The following LRRC49 variants were observed in gnomAD, a reference collection of about 807,000 sequenced individuals.
LRRC49 encodes the protein leucine rich repeat containing 49, also known as leucine-rich repeat-containing protein 49.
In LRRC49, 50 loss-of-function variants were observed where a neutral mutation model predicts 83.3. The ratio of observed to expected loss-of-function variants is 0.60; its 90% CI spans 0.48 to 0.76. The LOEUF (loss-of-function observed/expected upper bound fraction) is 0.76, where lower values mean the gene tolerates loss of function less well. Among genes scored for constraint, LRRC49 ranks in the 30% least tolerant of loss-of-function variants. The pLI is 0.00. For missense variants in LRRC49, 704 were observed against 809.1 expected (o/e 0.87, Z 1.58); for synonymous variants, 286 against 283.3 (o/e 1.01, Z -0.10).
intron 6 of LRRC49, among the ~76,000 whole-genome samples, chr15:70,913,865 A>G (rs1221400358): frequency 6.6e-6 from 1 of 152,176 alleles, no homozygotes; most frequent in Non-Finnish European, 1.5e-5. Context: ...CACCTGATAA[A>G]TGAATACCAT....
rs555590329 is a variant in LRRC49, at chr15:70,936,650, G to A, written c.712-111G>A. ...CTGTCCAGTAGAAATCAGTGATGTA[G>A]CAATGTTGCAGTAAATAGAAATGAT... On this transcript the variant is annotated intron_variant, in intron 7 of 15. Transcript: ENST00000260382. 3.5e-5 allele frequency: 24 copies of A among 683,186 alleles called. No homozygotes were observed. In the East Asian group the frequency reaches 6.2e-4, roughly 18 times the overall value. 42.3% of individuals were successfully genotyped at this position (683,186 alleles called of 1,614,324 possible).
At chr15:70,857,366 A>T (rs2032678939) in intron 1 of LRRC49, among the ~76,000 whole-genome samples, 2 of 152,060 alleles carry the variant, frequency 1.3e-5, no homozygotes, top group African/African-American at 4.8e-5. Context: ...CGTTGAAGAG[A>T]AGAAGAGTAG....
intron 7 of LRRC49, among the ~76,000 whole-genome samples, chr15:70,933,582 G>T (rs917745471): frequency 6.6e-6 from 1 of 152,122 alleles, no homozygotes; most frequent in African/African-American, 2.4e-5. Context: ...GCAGATTGTT[G>T]AGTGCTGGCT....
chr15:71,032,417 C>G (rs568495277), intron 14 of LRRC49, among the ~76,000 whole-genome samples: 2 of 151,994 alleles, frequency 1.3e-5, no homozygotes, highest in African/African-American at 2.4e-5. Context: ...GGAGCTGTTC[C>G]TATTCTGCCC....
intron 9 of LRRC49, among the ~76,000 whole-genome samples, chr15:70,968,808 C>T (rs1045803301): frequency 1.3e-5 from 2 of 152,052 alleles, no homozygotes; most frequent in African/African-American, 2.4e-5. Context: ...TCATATCCTT[C>T]CCCCACTTTC....
chr15:70,860,267 GCTCAGCCCAAGCC>G, intron 1 of LRRC49: 1 of 583,102 alleles, frequency 1.7e-6, no homozygotes, highest in South Asian at 2.0e-5. Flanking sequence ...CCCACCTGAG[GCTCAGCCCAAGCC>G]CTCAGCCCAC....
intron 13 of LRRC49, 45 bp downstream of exon 13, chr15:71,010,037 T>C: frequency 8.5e-7 from 1 of 1,172,986 alleles, no homozygotes; most frequent in Non-Finnish European, 1.2e-6. Flanking sequence ...ATATTCCTTC[T>C]TAGTGAAAAT....
At chr15:70,911,323 A>G (rs2034540954) in intron 5 of LRRC49, among the ~76,000 whole-genome samples, 1 of 152,190 alleles carries the variant, frequency 6.6e-6, no homozygotes, top group Non-Finnish European at 1.5e-5. Context: ...TAATGATGTG[A>G]CATTTAAACT....
intron 8 of LRRC49, among the ~76,000 whole-genome samples, chr15:70,940,984 C>A (rs2035794547): frequency 6.6e-6 from 1 of 152,114 alleles, no homozygotes; most frequent in African/African-American, 2.4e-5. Flanking sequence ...GTAAGGAGGA[C>A]CCATAAAAAC....
chr15:71,036,586 G>A (rs1445018119), intron 14 of LRRC49, among the ~76,000 whole-genome samples: 1 of 152,108 alleles, frequency 6.6e-6, no homozygotes, highest in Non-Finnish European at 1.5e-5. Flanking sequence ...GTGATACTAT[G>A]AGCACTATGT....
intron 2 of LRRC49, among the ~76,000 whole-genome samples, chr15:70,886,182 GT>G (rs1415529811): frequency 6.6e-6 from 1 of 152,130 alleles, no homozygotes; most frequent in East Asian, 1.9e-4. Flanking sequence ...GCCATGTTAG[GT>G]GGGGACTTAT....
chr15:70,915,675 T>TAA (rs777000097), intron 6 of LRRC49, among the ~76,000 whole-genome samples: 3 of 152,218 alleles, frequency 2.0e-5, no homozygotes, highest in Non-Finnish European at 4.4e-5. Flanking sequence ...TCTTGCATTT[T>TAA]AAATTCTATC....
At chr15:70,986,859 T>C (rs1302913547) in intron 11 of LRRC49, among the ~76,000 whole-genome samples, 1 of 152,224 alleles carries the variant, frequency 6.6e-6, no homozygotes, top group Non-Finnish European at 1.5e-5. Context: ...TGTTGAATTT[T>C]GTCAAAGGCC....
At chr15:70,861,269 T>C (rs1401915981) in intron 1 of LRRC49, among the ~76,000 whole-genome samples, 1 of 152,024 alleles carries the variant, frequency 6.6e-6, no homozygotes, top group Non-Finnish European at 1.5e-5. Context: ...AAATTGGTGT[T>C]GAATTTGAAT....
chr15:70,905,988 A>G (rs1481252627), intron 5 of LRRC49, among the ~76,000 whole-genome samples: 1 of 151,984 alleles, frequency 6.6e-6, no homozygotes, highest in Non-Finnish European at 1.5e-5. Flanking sequence ...TGAGCTTAGG[A>G]AAAGTATCTT....
At chr15:70,985,857 G>A (rs546906547) in intron 11 of LRRC49, among the ~76,000 whole-genome samples, 2 of 146,770 alleles carry the variant, frequency 1.4e-5, no homozygotes, top group East Asian at 4.0e-4. Context: ...TGGCTAGCCA[G>A]TTTTCCCAGC....
chr15:70,971,728 C>T (rs1247764246), intron 9 of LRRC49, among the ~76,000 whole-genome samples: 1 of 150,680 alleles, frequency 6.6e-6, no homozygotes, highest in Non-Finnish European at 1.5e-5. Flanking sequence ...ATGCAATGCC[C>T]TTCTTTGTCT....
intron 9 of LRRC49, among the ~76,000 whole-genome samples, chr15:70,970,264 A>T (rs2036946063): frequency 6.6e-6 from 1 of 152,104 alleles, no homozygotes; most frequent in African/African-American, 2.4e-5. Context: ...GGTTCTGTTT[A>T]TGTGATGGAT....
intron 8 of LRRC49, among the ~76,000 whole-genome samples, chr15:70,947,390 A>C (rs1001833213): frequency 1.3e-5 from 2 of 152,212 alleles, no homozygotes; most frequent in African/African-American, 4.8e-5. Flanking sequence ...CAAAAAAGGC[A>C]TTGTGGAGAG....
Sources: gnomAD v4.1 joint callset for allele counts (sites outside exome capture counted in the v4.1 genomes callset) on GRCh38, gnomAD v4.1.1 for gene constraint, MANE v1.5 for transcripts, NCBI Gene and HGNC (gene_info 2026-07-23, HGNC 2026-07-21) for gene names.